RGS3: variants seen among roughly 807,000 people sequenced by gnomAD.
RGS3 encodes the protein regulator of G protein signaling 3.
Under a neutral mutation model 132.6 loss-of-function variants are expected in RGS3, and 80 were observed. The ratio of observed to expected loss-of-function variants is 0.60; its 90% CI spans 0.50 to 0.73. The LOEUF (loss-of-function observed/expected upper bound fraction) is 0.73, where lower values mean the gene tolerates loss of function less well. Ranked by LOEUF, RGS3 falls within the 30% of genes least tolerant of loss-of-function variation. The pLI, the probability that RGS3 is intolerant of heterozygous loss-of-function variation, is 0.00. For missense variants in RGS3, 1,382 were observed against 1,530.8 expected (o/e 0.90, Z 1.62); for synonymous variants, 598 against 620.6 (o/e 0.96, Z 0.54).
intron 19 of RGS3, among the ~76,000 whole-genome samples, chr9:113,552,418 G>T (rs999967415): frequency 6.6e-6 from 1 of 152,214 alleles, no homozygotes; most frequent in Admixed American, 6.5e-5. Context: ...CCGGGTTCAC[G>T]CCATTCTCCT....
upstream of RGS3, among the ~76,000 whole-genome samples, chr9:113,455,286 C>T (rs1436706919): frequency 6.6e-6 from 1 of 152,228 alleles, no homozygotes; most frequent in African/African-American, 2.4e-5. Context: ...CCTGTTATTC[C>T]ATCTTGGCTG....
Position 113,507,224 on chromosome 9 carries a change from T to A in RGS3, c.1086-63T>A. 1 of 1,371,314 alleles carries A rather than the reference T, an allele frequency of 7.3e-7. No homozygotes were observed. Among genetic ancestry groups the A allele is most frequent in the Non-Finnish European group, 1.0e-6 (1 of 994,828 alleles). The allele number at this position is 1,371,314 out of a possible 1,614,324, so 84.9% of individuals were successfully genotyped here. On this transcript the variant is annotated intron_variant, in intron 12 of 24. Coordinates refer to ENST00000350696, the Ensembl canonical transcript of RGS3. The surrounding 1 kb of genome is among the most constrained non-coding windows in gnomAD (Gnocchi z 5.0). ...ATTATCCTCTCTGCCCTGTGGGCCCTCACTCTGGCTGATACTGGCTTTCCC... is the reference window on the plus strand; with the variant it reads ...ATTATCCTCTCTGCCCTGTGGGCCCACACTCTGGCTGATACTGGCTTTCCC...
At chr9:113,468,321 T>C (rs1829715216) in intron 3 of RGS3, among the ~76,000 whole-genome samples, 1 of 152,218 alleles carries the variant, frequency 6.6e-6, no homozygotes, top group Non-Finnish European at 1.5e-5. Context: ...ATTTCTCTAT[T>C]GGATGATCTT....
At chr9:113,467,330 AT>A (rs1358270296) in intron 3 of RGS3, among the ~76,000 whole-genome samples, 1 of 152,154 alleles carries the variant, frequency 6.6e-6, no homozygotes, top group East Asian at 1.9e-4. Context: ...TAGGTGTATC[AT>A]TTTATGTTCC....
At chr9:113,538,973 T>C (rs1832793916) in intron 19 of RGS3, among the ~76,000 whole-genome samples, 1 of 152,214 alleles carries the variant, frequency 6.6e-6, no homozygotes, top group Non-Finnish European at 1.5e-5. Context: ...TCCCCATCCC[T>C]ATCACCACCA....
chr9:113,529,069 C>T, intron 17 of RGS3, 152 bp from the exon 16 acceptor site: 1 of 679,254 alleles, frequency 1.5e-6, no homozygotes, highest in East Asian at 2.6e-5. Flanking sequence ...AATTTTCCTC[C>T]AGAGACTTCC....
intron 7 of RGS3, among the ~76,000 whole-genome samples, chr9:113,490,300 T>C (rs76728250): frequency 3.3e-4 from 51 of 152,262 alleles, no homozygotes; most frequent in Non-Finnish European, 6.3e-4. Context: ...ATGGCCAATC[T>C]TATTTCATTT....
chr9:113,575,822 T>C (rs894423555), intron 19 of RGS3, among the ~76,000 whole-genome samples: 1 of 152,206 alleles, frequency 6.6e-6, no homozygotes, highest in African/African-American at 2.4e-5. Flanking sequence ...ATTTTTAAGA[T>C]ACTCCTCAGG....
chr9:113,564,208 T>TATAC (rs147312760), intron 19 of RGS3, among the ~76,000 whole-genome samples: 1,627 of 152,352 alleles, frequency 0.011, 11 homozygotes, highest in Non-Finnish European at 0.019. Context: ...CAGTCCTGGC[T>TATAC]ATACAGACAA....
chr9:113,517,411 G>T, intron 15 of RGS3, 130 bp from the exon 14 acceptor site: 1 of 747,306 alleles, frequency 1.3e-6, no homozygotes, highest in Admixed American at 1.9e-5. Context: ...TCTCGGGTCG[G>T]TGGCGGGCTG....
rs541162059 is a variant in RGS3, at chr9:113,490,404, T to A, written c.689+4711T>A. Among the ~76,000 whole-genome samples, 6 of 151,732 alleles carry A rather than the reference T, an allele frequency of 4.0e-5. No homozygotes were observed. In the East Asian group the frequency reaches 7.7e-4, roughly 19 times the overall value. ...GGTATATATTTCTAAAAGATGGCTT[T>A]AAAAAAAATCATGATGACATTATCA... On this transcript the variant is annotated intron_variant, in intron 7 of 24. Transcript: ENST00000350696.
intron 19 of RGS3, chr9:113,580,834 C>T (rs753948629): frequency 3.5e-4 from 345 of 985,580 alleles, no homozygotes; most frequent in Non-Finnish European, 3.3e-4. Context: ...AAGGGGTGGG[C>T]GGGCTCTGAC....
chr9:113,519,882 G>A (rs147555900), intron 16 of RGS3, among the ~76,000 whole-genome samples: 52 of 152,278 alleles, frequency 3.4e-4, no homozygotes, highest in Middle Eastern at 3.4e-3. Flanking sequence ...TAATAGACTT[G>A]ATTAATGTGC....
intron 20 of RGS3, among the ~76,000 whole-genome samples, chr9:113,587,607 G>T (rs1335030896): frequency 6.6e-6 from 1 of 152,216 alleles, no homozygotes; most frequent in Admixed American, 6.5e-5. Flanking sequence ...AGCTGAGGCT[G>T]CCCAGAGTAC....
In RGS3 at chr9:113,479,350, T is replaced by A. The variant is rs540896238; in HGVS notation, c.416-141T>A. On this transcript the variant is annotated intron_variant, in intron 3 of 24. Coordinates refer to ENST00000350696, the Ensembl canonical transcript of RGS3. The stretch of plus-strand genomic sequence containing the variant: ...GGGCTGAACCCTGTGGCTTCTGAGG[T>A]CCCTGCCAGCCAGAGACTTGTGTGA... The A allele has an allele frequency of 4.8e-6, 4 of 837,272 alleles. No homozygotes were observed. In the East Asian group the frequency reaches 9.7e-5, roughly 20 times the overall value. 51.9% of individuals were successfully genotyped at this position (837,272 alleles called of 1,614,324 possible).
intron 17 of RGS3, among the ~76,000 whole-genome samples, chr9:113,527,394 A>G (rs1331484011): frequency 6.6e-6 from 1 of 152,198 alleles, no homozygotes; most frequent in East Asian, 1.9e-4. Context: ...GGAAGGCCAA[A>G]GAAATGTCCC....
intron 3 of RGS3, among the ~76,000 whole-genome samples, chr9:113,465,353 G>GA (rs1389189870): frequency 6.6e-6 from 1 of 152,048 alleles, no homozygotes; most frequent in Non-Finnish European, 1.5e-5. Context: ...AGAAGAAAGT[G>GA]AAAATCACTT....
At chr9:113,457,102 C>T (rs28668565), upstream of RGS3, among the ~76,000 whole-genome samples, 3,533 of 152,218 alleles carry the variant, frequency 0.023, 148 homozygotes, top group African/African-American at 0.081. Flanking sequence ...GGCCGAGGCC[C>T]TGTATGATTT....
chr9:113,480,601 G>A (rs1034142489), intron 4 of RGS3, among the ~76,000 whole-genome samples: 3 of 152,206 alleles, frequency 2.0e-5, no homozygotes, highest in African/African-American at 4.8e-5. Flanking sequence ...AAGACTTGGC[G>A]GAGGGGGTGA....
Sources: gnomAD v4.1 joint callset for allele counts (sites outside exome capture counted in the v4.1 genomes callset) on GRCh38, gnomAD v4.1.1 for gene constraint, Gnocchi (gnomAD v3.1) non-coding constraint, MANE v1.5 for transcripts, NCBI Gene and HGNC (gene_info 2026-07-23, HGNC 2026-07-21) for gene names.